Variants in OR3A2 observed in about 807,000 individuals in gnomAD.
The protein encoded by OR3A2 is olfactory receptor 3A2.
For missense variants in OR3A2, 318 were observed against 392.8 expected (o/e 0.81, Z 1.61); for synonymous variants, 126 against 159.3 (o/e 0.79, Z 1.57).
At chr17:3,314,925 T>C (rs1267936633) in intron 3 of OR3A2, among the ~76,000 whole-genome samples, 2 of 152,192 alleles carry the variant, frequency 1.3e-5, no homozygotes, top group Non-Finnish European at 2.9e-5. Flanking sequence ...CTGTTAATGA[T>C]TAGAACGTGG....
At chr17:3,326,341 A>G (rs186088329) in intron 3 of OR3A2, among the ~76,000 whole-genome samples, 67 of 152,134 alleles carry the variant, frequency 4.4e-4, no homozygotes, top group Non-Finnish European at 7.1e-4. Flanking sequence ...TAAAACCCCA[A>G]ACTATAAAAA....
chr17:3,372,704 A>G (rs1306202075), intron 2 of OR3A2, among the ~76,000 whole-genome samples: 1 of 151,942 alleles, frequency 6.6e-6, no homozygotes, highest in East Asian at 1.9e-4. Context: ...CGCGCCTGCA[A>G]TCGCAGGCAC....
intron 3 of OR3A2, among the ~76,000 whole-genome samples, chr17:3,303,577 TA>T (rs889121706): frequency 0.013 from 1,954 of 147,226 alleles, 31 homozygotes; most frequent in African/African-American, 0.044. Context: ...CCGTCTCTAC[TA>T]AAAAAAAAAT....
At chr17:3,305,774 A>G (rs1348647192) in intron 3 of OR3A2, among the ~76,000 whole-genome samples, 5 of 152,248 alleles carry the variant, frequency 3.3e-5, no homozygotes, top group Non-Finnish European at 7.3e-5. Context: ...ATAAAATTCT[A>G]TTAAATATCA....
At chr17:3,310,190 G>A (rs774647017) in intron 3 of OR3A2, 11 of 395,714 alleles carry the variant, frequency 2.8e-5, no homozygotes, top group South Asian at 1.6e-4. Context: ...CTTCCATCCC[G>A]GCCCTGTCCT....
chr17:3,328,830 C>A (rs1185174674), intron 3 of OR3A2, among the ~76,000 whole-genome samples: 2 of 141,722 alleles, frequency 1.4e-5, no homozygotes, highest in Admixed American at 1.4e-4. Flanking sequence ...TGGTTTTTGT[C>A]TTCGGCTCTG....
chr17:3,311,523 C>A lies in OR3A2; in HGVS notation c.-85+24510G>T. 1 of 435,052 alleles carries A rather than the reference C, an allele frequency of 2.3e-6. No homozygotes were observed. The allele number at this position is 435,052 out of a possible 1,614,324, so 26.9% of individuals were successfully genotyped here. ...TCTGTGGCCCTAATGTGGTCAACCACTTCTACTGTGACCTCCCACCTCTTT... is the reference window on the plus strand; with the variant it reads ...TCTGTGGCCCTAATGTGGTCAACCAATTCTACTGTGACCTCCCACCTCTTT... On this transcript the variant is annotated intron_variant, in intron 3 of 4. Transcript: ENST00000573491. The surrounding 1 kb of genome is among the most constrained non-coding windows in gnomAD (Gnocchi z 4.6).
At chr17:3,374,537 G>A (rs551600163) in intron 2 of OR3A2, among the ~76,000 whole-genome samples, 21 of 152,104 alleles carry the variant, frequency 1.4e-4, no homozygotes, top group African/African-American at 4.6e-4. Flanking sequence ...CCATGTCTTC[G>A]AGCTCTGACA....
intron 3 of OR3A2, among the ~76,000 whole-genome samples, chr17:3,298,059 T>A (rs1003779384): frequency 5.3e-5 from 8 of 152,084 alleles, no homozygotes; most frequent in African/African-American, 1.9e-4. Flanking sequence ...AAGACATTAG[T>A]TAAAACAATC....
intron 2 of OR3A2, among the ~76,000 whole-genome samples, chr17:3,349,445 A>G (rs933342039): frequency 6.6e-6 from 1 of 151,936 alleles, no homozygotes; most frequent in South Asian, 2.1e-4. Context: ...AGGCCATTAC[A>G]TAATGGTAAA....
intron 2 of OR3A2, among the ~76,000 whole-genome samples, chr17:3,354,438 T>C (rs1225027053): frequency 6.6e-6 from 1 of 151,294 alleles, no homozygotes; most frequent in Non-Finnish European, 1.5e-5. Context: ...AGGAGACCTT[T>C]TATTATGACT....
chr17:3,296,503 T>C (rs1424002625), intron 3 of OR3A2, among the ~76,000 whole-genome samples: 1 of 152,084 alleles, frequency 6.6e-6, no homozygotes, highest in Admixed American at 6.6e-5. Context: ...AAGAAATCTT[T>C]TATGGGTAGG....
intron 2 of OR3A2, among the ~76,000 whole-genome samples, chr17:3,344,817 C>G (rs1011183515): frequency 1.3e-5 from 2 of 152,170 alleles, no homozygotes; most frequent in African/African-American, 4.8e-5. Flanking sequence ...GTTGATCCAA[C>G]CAAAGTGAAT....
chr17:3,369,782 G>T (rs934097302), intron 2 of OR3A2, among the ~76,000 whole-genome samples: 1 of 146,042 alleles, frequency 6.8e-6, no homozygotes, highest in Non-Finnish European at 1.5e-5. Context: ...TTATCTTTTT[G>T]AATGGTTTCC....
chr17:3,350,616 A>T (rs1317573623), intron 2 of OR3A2, among the ~76,000 whole-genome samples: 70 of 150,166 alleles, frequency 4.7e-4, no homozygotes, highest in African/African-American at 1.5e-3. Context: ...AAGGAGGAAC[A>T]GGTACCATTC....
chr17:3,304,178 C>T (rs1049839000), intron 3 of OR3A2, among the ~76,000 whole-genome samples: 1 of 152,012 alleles, frequency 6.6e-6, no homozygotes, highest in African/African-American at 2.4e-5. Flanking sequence ...CTTGGCTCTA[C>T]GCCTCAGAGA....
intron 2 of OR3A2, among the ~76,000 whole-genome samples, chr17:3,374,500 C>T (rs1375350903): frequency 6.6e-6 from 1 of 152,064 alleles, no homozygotes; most frequent in East Asian, 1.9e-4. Context: ...TTTTCTTTGT[C>T]TTTGTCAGAT....
chr17:3,282,272 G>C (rs1229588571), intron 1 of OR3A2, among the ~76,000 whole-genome samples: 6 of 152,154 alleles, frequency 3.9e-5, no homozygotes, highest in Non-Finnish European at 8.8e-5. Flanking sequence ...CAGGTGTGGT[G>C]GTGGGCACCT....
chr17:3,328,947 T>C (rs1487594463), intron 3 of OR3A2, among the ~76,000 whole-genome samples: 1 of 151,646 alleles, frequency 6.6e-6, no homozygotes, highest in Admixed American at 6.6e-5. Flanking sequence ...TCAAAGGCCT[T>C]TTCTGCATCT....
Sources: allele counts gnomAD v4.1 joint callset (sites outside exome capture counted in the v4.1 genomes callset), GRCh38; gene constraint gnomAD v4.1.1; non-coding constraint Gnocchi (gnomAD v3.1); transcripts MANE v1.5; gene names NCBI Gene and HGNC (gene_info 2026-07-23, HGNC 2026-07-21).